OR1F1: variants seen among roughly 807,000 people sequenced by gnomAD.
The protein encoded by OR1F1 is olfactory receptor 1F1.
For synonymous variants in OR1F1, 184 were observed against 156.7 expected (o/e 1.17, Z -1.30); for missense variants, 493 against 376.3 (o/e 1.31, Z -2.57).
the OR1F1 span, among the ~76,000 whole-genome samples, chr16:3,193,226 C>T: frequency 4.6e-3 from 703 of 152,304 alleles, 11 homozygotes; most frequent in East Asian, 0.024. Context: ...ACGCCCGGCC[C>T]CTGCAGGATC....
At chr16:3,197,185 T>C in the OR1F1 span, among the ~76,000 whole-genome samples, 1 of 151,604 alleles carries the variant, frequency 6.6e-6, no homozygotes, top group Admixed American at 6.6e-5. Flanking sequence ...ATTTTTTTTT[T>C]TTTTTGTATT....
At chr16:3,189,021 G>T in the OR1F1 span, among the ~76,000 whole-genome samples, 2 of 152,172 alleles carry the variant, frequency 1.3e-5, no homozygotes, top group Admixed American at 1.3e-4. Context: ...CTGCGGGGCT[G>T]GTTCAGTCGA....
chr16:3,194,152 C>G, the OR1F1 span, among the ~76,000 whole-genome samples: 7 of 152,228 alleles, frequency 4.6e-5, no homozygotes, highest in African/African-American at 1.7e-4. Context: ...TCTCCTCTCT[C>G]TCTAGGATGA....
At chr16:3,191,503 C>A in the OR1F1 span, among the ~76,000 whole-genome samples, 13 of 152,274 alleles carry the variant, frequency 8.5e-5, no homozygotes, top group East Asian at 2.5e-3. Context: ...CCAGGGAAGC[C>A]CGGCTAGCTC....
chr16:3,205,826 C>T (rs191241043), downstream of OR1F1, among the ~76,000 whole-genome samples: 2 of 152,268 alleles, frequency 1.3e-5, no homozygotes, highest in African/African-American at 4.8e-5. Context: ...CTCAGGACCA[C>T]TGTGATAATT....
chr16:3,196,426 CAG>C, the OR1F1 span, among the ~76,000 whole-genome samples: 2 of 152,116 alleles, frequency 1.3e-5, no homozygotes, highest in East Asian at 3.9e-4. Context: ...CTCTGTTGCC[CAG>C]GCTGGAGGGC....
At chr16:3,189,615 C>T in the OR1F1 span, 1 of 152,230 alleles carries the variant, frequency 6.6e-6, no homozygotes, top group Non-Finnish European at 1.5e-5. Flanking sequence ...CAAAGATAAC[C>T]TTAATGCGTA....
At chr16:3,189,579 C>T in the OR1F1 span, among the ~76,000 whole-genome samples, 2 of 152,164 alleles carry the variant, frequency 1.3e-5, no homozygotes, top group Non-Finnish European at 2.9e-5. Context: ...TCCGCCCCAG[C>T]CGCCCCCAGG....
chr16:3,198,896 G>A, the OR1F1 span, among the ~76,000 whole-genome samples: 2 of 151,062 alleles, frequency 1.3e-5, no homozygotes, highest in African/African-American at 2.4e-5. Flanking sequence ...GCTTGAGGCT[G>A]CAGTGAGCTG....
chr16:3,195,852 C>T, the OR1F1 span, among the ~76,000 whole-genome samples: 1 of 152,132 alleles, frequency 6.6e-6, no homozygotes, highest in East Asian at 1.9e-4. Context: ...GGCAATGTGG[C>T]CCCCAGTACA....
chr16:3,198,427 A>G, the OR1F1 span, among the ~76,000 whole-genome samples: 1 of 152,136 alleles, frequency 6.6e-6, no homozygotes, highest in Non-Finnish European at 1.5e-5. Context: ...ACACATGCAG[A>G]GAGAGGACAG....
At chr16:3,190,749 TA>T in the OR1F1 span, among the ~76,000 whole-genome samples, 98 of 92,226 alleles carry the variant, frequency 1.1e-3, no homozygotes, top group Non-Finnish European at 1.2e-3. Flanking sequence ...AGACTCTATC[TA>T]AAAAAAAAAA....
At chr16:3,198,332 G>T in the OR1F1 span, among the ~76,000 whole-genome samples, 5 of 151,996 alleles carry the variant, frequency 3.3e-5, no homozygotes, top group African/African-American at 1.2e-4. Flanking sequence ...GTGTTTTCAT[G>T]GGATTCTGAA....
chr16:3,191,783 G>A, the OR1F1 span, among the ~76,000 whole-genome samples: 1 of 152,066 alleles, frequency 6.6e-6, no homozygotes, highest in Non-Finnish European at 1.5e-5. Context: ...GGGCGGGGGC[G>A]GGTGAGAACT....
chr16:3,193,952 C>G, the OR1F1 span, among the ~76,000 whole-genome samples: 35 of 152,294 alleles, frequency 2.3e-4, no homozygotes, highest in South Asian at 7.2e-3. Context: ...TACTGGCCTC[C>G]TAAGCCAGGG....
At chr16:3,194,140 A>G in the OR1F1 span, among the ~76,000 whole-genome samples, 62 of 152,324 alleles carry the variant, frequency 4.1e-4, 1 homozygote, top group African/African-American at 1.4e-3. Context: ...CAAGACACAC[A>G]ATCTCCTCTC....
chr16:3,200,959 C>A (rs542538821), upstream of OR1F1, among the ~76,000 whole-genome samples: 9 of 152,332 alleles, frequency 5.9e-5, no homozygotes, highest in Admixed American at 2.6e-4. Context: ...ATTCTGTAAC[C>A]ATTAAGCAAT....
At chr16:3,196,958 C>T in the OR1F1 span, among the ~76,000 whole-genome samples, 1 of 152,078 alleles carries the variant, frequency 6.6e-6, no homozygotes, top group South Asian at 2.1e-4. Flanking sequence ...CTTCCTGCAA[C>T]CTCCGCCTGC....
chr16:3,189,306 T>C, the OR1F1 span, among the ~76,000 whole-genome samples: 4,836 of 152,278 alleles, frequency 0.032, 263 homozygotes, highest in African/African-American at 0.11. Flanking sequence ...CTGCCTGCTA[T>C]TGGGAGGTTC....
Sources: allele counts gnomAD v4.1 joint callset (sites outside exome capture counted in the v4.1 genomes callset), GRCh38; gene constraint gnomAD v4.1.1; transcripts MANE v1.5; gene names NCBI Gene and HGNC (gene_info 2026-07-23, HGNC 2026-07-21).